The following MIB2 variants were observed in gnomAD, a reference collection of about 807,000 sequenced individuals.
MIB2 encodes the protein MIB E3 ubiquitin protein ligase 2, also known as E3 ubiquitin-protein ligase MIB2.
In MIB2, 78 loss-of-function variants were observed where a neutral mutation model predicts 96.6. That is an observed-to-expected ratio of 0.81 (90% confidence interval 0.67 to 0.97). The LOEUF (loss-of-function observed/expected upper bound fraction) is 0.97. Ranked by LOEUF, MIB2 falls within the 50% of genes least tolerant of loss-of-function variation. The pLI is 0.00. For missense variants in MIB2, 1,543 were observed against 1,424.0 expected, an observed-to-expected ratio of 1.08 and a Z score of -1.35; for synonymous variants, 820 against 629.5, an observed-to-expected ratio of 1.30 and a Z score of -4.53.
At chr1:1,616,056 C>G in intron 1 of MIB2, 1 of 984,142 alleles carries the variant, frequency 1.0e-6, no homozygotes, top group Non-Finnish European at 1.2e-6. Flanking sequence ...CGCCCCCGAG[C>G]GGAGCGGGCG....
rs933994195 is a variant in MIB2, at chr1:1,627,060, A to C, written c.1241-14A>C. 3 of 1,600,724 alleles carry C rather than the reference A, an allele frequency of 1.9e-6. No individual in the cohort carries two copies. The Admixed American group carries it at 5.2e-5, about 28-fold the overall frequency. Reference sequence around the variant, plus strand: ...GCTGCCCCTGGCCACCACTAACCTCAGCCCTGCCCCCAGGCTCACTGAGCG... The same window carrying C: ...GCTGCCCCTGGCCACCACTAACCTCCGCCCTGCCCCCAGGCTCACTGAGCG... On this transcript the variant is annotated splice_polypyrimidine_tract_variant and intron_variant, in intron 10 of 19. Transcript: ENST00000355826.
intron 1 of MIB2, chr1:1,616,095 C>T (rs2100278203): frequency 1.0e-6 from 1 of 984,270 alleles, no homozygotes; most frequent in East Asian, 1.1e-4. Context: ...AAGTTGGGGT[C>T]GGCAGGTACT....
chr1:1,622,222 A>C (rs556861666), intron 2 of MIB2, among the ~76,000 whole-genome samples: 2 of 152,164 alleles, frequency 1.3e-5, no homozygotes, highest in East Asian at 1.9e-4. Flanking sequence ...TTCCCTGGCC[A>C]TGGGGTCCTA....
In MIB2 at chr1:1,625,659, G is replaced by C. The variant is rs372131988; in HGVS notation, c.972+6G>C. 1.9e-6 allele frequency: 3 copies of C among 1,547,000 alleles called. No individual in the cohort carries two copies. The highest frequency in any genetic ancestry group is 4.9e-5 in the East Asian group (2 of 41,186). On this transcript the variant is annotated splice_donor_region_variant and intron_variant, in intron 8 of 19. Coordinates refer to ENST00000355826, the MANE Select transcript of MIB2 (RefSeq NM_001170687.4). This position sits in a 1 kb window ranked among gnomAD's most constrained non-coding sequence, Gnocchi z 5.0. ...ACCCCGGGGCGCTCACCAAGGTGCC[G>C]GGGGGGCTGGGCTGCGCCTCATCTG... is the stretch of plus-strand genomic sequence containing the variant.
In MIB2 at chr1:1,627,226, C is replaced by T. The variant is rs1644873113; in HGVS notation, c.1374+19C>T. The T allele has an allele frequency of 2.5e-6, 4 of 1,611,096 alleles. No individual in the cohort carries two copies. The highest frequency in any genetic ancestry group is 3.4e-6 in the Non-Finnish European group (4 of 1,178,988). ...AGAGCAGGCAAGCTCCTGACCCCGT[C>T]CTCCCATACTGGCCAGTCTGAGAGT... is the stretch of plus-strand genomic sequence containing the variant. On this transcript the variant is annotated intron_variant, in intron 11 of 19. Coordinates refer to ENST00000355826, the MANE Select transcript of MIB2 (RefSeq NM_001170687.4).
chr1:1,628,786 G>A, intron 16 of MIB2, 64 bp downstream of exon 16: 1 of 1,334,408 alleles, frequency 7.5e-7, no homozygotes, highest in Non-Finnish European at 1.0e-6. Context: ...GCTCTGGGCA[G>A]GGCCTGTGCC....
chr1:1,630,278 C>A lies in MIB2; in HGVS notation c.2630-14C>A. The A allele has an allele frequency of 1.4e-6, 2 of 1,396,924 alleles. No homozygotes were observed. The highest frequency in any genetic ancestry group is 1.9e-6 in the Non-Finnish European group (2 of 1,044,056). The allele number at this position is 1,396,924 out of a possible 1,614,324, so 86.5% of individuals were successfully genotyped here. A position where few individuals can be genotyped will look rare whatever the true frequency, so the allele number is the denominator to read the frequency against. Reference sequence around the variant, plus strand: ...ACCCGGCCTCCCAGCTCACACCCGTCCCCCACCCCGCAGACGGCTCTGAGG... The same window carrying A: ...ACCCGGCCTCCCAGCTCACACCCGTACCCCACCCCGCAGACGGCTCTGAGG... On this transcript the variant is annotated splice_polypyrimidine_tract_variant and intron_variant, in intron 19 of 19. Coordinates refer to ENST00000355826, the MANE Select transcript of MIB2 (RefSeq NM_001170687.4).
chr1:1,626,461 C>CT lies in MIB2; in HGVS notation c.973-189_973-188insT, dbSNP rs1361555191. 7 of 584,012 alleles carry CT rather than the reference C, an allele frequency of 1.2e-5. No individual in the cohort carries two copies. Among genetic ancestry groups the CT allele is most frequent in the Admixed American group, 6.4e-5 (2 of 31,254 alleles). The allele number at this position is 584,012 out of a possible 1,614,324, so 36.2% of individuals were successfully genotyped here. Reference sequence around the variant, plus strand: ...CCATGGCTCTGGGGCTAGGGACACCCAGGGCTGCCTTGGACACCTGGGGCT... The same window carrying CT: ...CCATGGCTCTGGGGCTAGGGACACCCTAGGGCTGCCTTGGACACCTGGGGCT... On this transcript the variant is annotated intron_variant, in intron 8 of 19. Coordinates refer to ENST00000355826, the MANE Select transcript of MIB2 (RefSeq NM_001170687.4). The surrounding 1 kb of genome is among the most constrained non-coding windows in gnomAD (Gnocchi z 5.3).
intron 5 of MIB2, 38 bp downstream of exon 5, chr1:1,624,939 G>A (rs749740775): frequency 1.2e-6 from 2 of 1,607,624 alleles, no homozygotes; most frequent in East Asian, 2.2e-5. Context: ...GGGCTGGGCT[G>A]TGGCTGGCTC....
At chr1:1,614,451 TG>T (rs1643423815), upstream of MIB2, 1 of 152,296 alleles carries the variant, frequency 6.6e-6, no homozygotes, top group Non-Finnish European at 1.5e-5. Flanking sequence ...CCACAGCCAG[TG>T]GTTTTTGTTA....
Position 1,627,203 on chromosome 1 carries a change from A to G in MIB2, c.1370A>G (p.Glu457Gly). The change falls in exon 11 of 20, where the codon GAG (glutamate) becomes GGG (glycine). Residue 457 changes from glutamate to glycine, a missense_variant. By Grantham distance (98) the Glu-to-Gly change is moderately conservative. Coordinates refer to ENST00000355826, the MANE Select transcript of MIB2 (RefSeq NM_001170687.4). The stretch of plus-strand genomic sequence containing the variant: ...CTGGACCTGCTGCGGAGGCGCCCAG[A>G]GCAGGCAAGCTCCTGACCCCGTCCT... ...RALDLLRRRP[E>G]QVDTKNQGRT... The G allele has an allele frequency of 6.2e-7, 1 of 1,604,714 alleles. No homozygotes were observed. Among genetic ancestry groups the G allele is most frequent in the Non-Finnish European group, 8.5e-7 (1 of 1,176,162 alleles).
Position 1,630,326 on chromosome 1 carries a change from C to G in MIB2, c.2664C>G (p.Pro888=). Residue 888 remains proline (P), a synonymous_variant, in exon 20 of 20, where the codon CCC becomes CCG. Coordinates refer to ENST00000355826, the MANE Select transcript of MIB2 (RefSeq NM_001170687.4). ...AGGTGGCGAGCGCCGCCCCCGCCCC[C>G]GGCCCGCCGCGCCAGCTGGTGGAGG... ...GSEVASAAPA[P]GPPRQLVEEL... is the part of the protein sequence containing the mutation. 6.5e-7 allele frequency: 1 copy of G among 1,532,688 alleles called. No homozygotes were observed. Among genetic ancestry groups the G allele is most frequent in the Non-Finnish European group, 8.7e-7 (1 of 1,143,548 alleles). The allele number at this position is 1,532,688 out of a possible 1,614,324, so 94.9% of individuals were successfully genotyped here. A position where few individuals can be genotyped will look rare whatever the true frequency, so the allele number is the denominator to read the frequency against.
In MIB2 at chr1:1,625,405, G is replaced by T. The variant is rs540555029; in HGVS notation, c.841G>T (p.Gly281Cys). The change falls in exon 7 of 20, where the codon GGC (glycine) becomes TGC (cysteine). Residue 281 changes from glycine (G) to cysteine (C), a missense_variant. Gly to Cys is a radical substitution (Grantham distance 159, BLOSUM62 -3). Coordinates refer to ENST00000355826, the MANE Select transcript of MIB2 (RefSeq NM_001170687.4). This position sits in a 1 kb window ranked among gnomAD's most constrained non-coding sequence, Gnocchi z 5.0. Reference sequence around the variant, plus strand: ...GCGGGAGATGCAGGAAGGCCACGGCGGCTGGAACCCCAGGATGGCGGAGGT... The same window carrying T: ...GCGGGAGATGCAGGAAGGCCACGGCTGCTGGAACCCCAGGATGGCGGAGGT... ...VLREMQEGHG[G>C]WNPRMAEFIG... 2.0e-5 allele frequency: 32 copies of T among 1,578,214 alleles called. No individual in the cohort carries two copies. In the Admixed American group the frequency reaches 4.0e-4, roughly 20 times the overall value.
rs554553210 is a variant in MIB2, at chr1:1,620,533, C to T, written c.-22-2898C>T. Among the ~76,000 whole-genome samples, 25 of 152,296 alleles carry T rather than the reference C, an allele frequency of 1.6e-4. No individual in the cohort carries two copies. The South Asian group carries it at 4.1e-3, about 25-fold the overall frequency. On this transcript the variant is annotated intron_variant, in intron 2 of 19. Transcript: ENST00000355826. ...GGCAAGGAGGAGGTTGCGTGTGGAT[C>T]TGGTGGAGGTGGACGGCCTGGCAGG...
rs757025184 is a variant in MIB2 at position 1,628,423 on chromosome 1, C to T, written c.1968+24C>T. 4 of 1,606,600 alleles carry T rather than the reference C, an allele frequency of 2.5e-6. No individual in the cohort carries two copies. The East Asian group carries it at 6.7e-5, about 27-fold the overall frequency. ...AGGTGCGGACGCGGCCCAGTCCTGC[C>T]CAAGGACCGGGGAGCGGGAGGCCCA... On this transcript the variant is annotated intron_variant, in intron 15 of 19. Transcript: ENST00000355826.
Position 1,622,057 on chromosome 1 carries a change from G to GC in MIB2, c.-22-1373dup, listed in dbSNP as rs1219219818. On this transcript the variant is annotated intron_variant, in intron 2 of 19. Transcript: ENST00000355826. Reference sequence around the variant, plus strand: ...GGTTGCAGTGCTGCCCAGGTGGAGGGCTGGCCTGTGAGGCCCAGGCTGGCC... The same window carrying GC: ...GGTTGCAGTGCTGCCCAGGTGGAGGGCCTGGCCTGTGAGGCCCAGGCTGGCC... 2.0e-5 allele frequency among the ~76,000 whole-genome samples: 3 copies of GC among 152,228 alleles called. No individual in the cohort carries two copies. The East Asian group carries it at 5.8e-4, about 29-fold the overall frequency.
rs772077260 is a variant in MIB2, at chr1:1,626,670, C to T, written c.993C>T (p.Gly331=). ...CTCAGCACCACTCCTTCTGGGTGGG[C>T]GACGTGGTCCGGGTCATCGGCGACC... ...ALTKHHSFWV[G]DVVRVIGDLD... The change falls in exon 9 of 20, where the codon GGC becomes GGT. Residue 331 remains glycine, a synonymous_variant. Coordinates refer to ENST00000355826, the MANE Select transcript of MIB2 (RefSeq NM_001170687.4). The surrounding 1 kb of genome is among the most constrained non-coding windows in gnomAD (Gnocchi z 5.3). The T allele has an allele frequency of 2.7e-5, 42 of 1,583,256 alleles. No individual in the cohort carries two copies. The highest frequency in any genetic ancestry group is 2.5e-4 in the South Asian group (22 of 86,712).
rs779868029 is a variant in MIB2, at chr1:1,627,011, C to T, written c.1240+12C>T. 5 of 1,609,296 alleles carry T rather than the reference C, an allele frequency of 3.1e-6. No individual in the cohort carries two copies. The highest frequency in any genetic ancestry group is 1.3e-5 in the African/African-American group (1 of 74,894). ...CCGGGAGAACAAAAGTGCGGCACAG[C>T]TCAGGCGGCCAGTGGGAGGTGGGGC... is the stretch of plus-strand genomic sequence containing the variant. On this transcript the variant is annotated intron_variant, in intron 10 of 19. Coordinates refer to ENST00000355826, the MANE Select transcript of MIB2 (RefSeq NM_001170687.4).
Position 1,629,299 on chromosome 1 carries a change from C to A in MIB2, c.2369C>A (p.Ala790Asp). 1 of 1,506,214 alleles carries A rather than the reference C, an allele frequency of 6.6e-7. No individual in the cohort carries two copies. The highest frequency in any genetic ancestry group is 8.8e-7 in the Non-Finnish European group (1 of 1,142,832). The allele number at this position is 1,506,214 out of a possible 1,614,324, so 93.3% of individuals were successfully genotyped here. A position where few individuals can be genotyped will look rare whatever the true frequency, so the allele number is the denominator to read the frequency against. ...GRVLKALQGC[A>D]QRFRERQAGG... ...GTGCTCAAGGCCCTTCAGGGCTGCG[C>A]CCAGCGCTTCCGGTGAGTCCGTGGA... The change falls in exon 17 of 20, where the codon GCC (alanine) becomes GAC (aspartate). Residue 790 changes from alanine (A) to aspartate (D), a missense_variant. Physicochemically the swap from Ala to Asp is moderately radical, Grantham distance 126 (BLOSUM62 -2). Transcript: ENST00000355826.
Sources: gnomAD v4.1 joint callset for allele counts (sites outside exome capture counted in the v4.1 genomes callset) on GRCh38, gnomAD v4.1.1 for gene constraint, Gnocchi (gnomAD v3.1) non-coding constraint, MANE v1.5 for transcripts, NCBI Gene and HGNC (gene_info 2026-07-23, HGNC 2026-07-21) for gene names.